Variants in ADGRB3 observed in about 807,000 individuals in gnomAD.
ADGRB3 encodes brain-specific angiogenesis inhibitor 3.
Under a neutral mutation model 193.4 loss-of-function variants are expected in ADGRB3, and 37 were observed. The ratio of observed to expected loss-of-function variants is 0.19; its 90% CI spans 0.15 to 0.25. The LOEUF (loss-of-function observed/expected upper bound fraction) is 0.25. Among genes scored for constraint, ADGRB3 ranks in the 10% least tolerant of loss-of-function variants. ADGRB3 has a pLI of 1.00. For missense variants in ADGRB3, 1,637 were observed against 1,852.9 expected, an observed-to-expected ratio of 0.88 and a Z score of 2.14; for synonymous variants, 690 against 644.2, an observed-to-expected ratio of 1.07 and a Z score of -1.08.
At chr6:68,697,529 C>G (rs1765177112) in intron 3 of ADGRB3, among the ~76,000 whole-genome samples, 1 of 151,892 alleles carries the variant, frequency 6.6e-6, no homozygotes. Context: ...AGTGTTGACT[C>G]ATACTACTTA....
intron 3 of ADGRB3, among the ~76,000 whole-genome samples, chr6:68,737,129 A>G (rs762171691): frequency 9.9e-5 from 15 of 152,130 alleles, no homozygotes; most frequent in Non-Finnish European, 2.2e-4. Flanking sequence ...AAATGTTTTC[A>G]TGCTTAAATT....
At chr6:68,745,132 A>G (rs147045196) in intron 3 of ADGRB3, among the ~76,000 whole-genome samples, 1 of 152,318 alleles carries the variant, frequency 6.6e-6, no homozygotes, top group Non-Finnish European at 1.5e-5. Flanking sequence ...CTGAGGAGAT[A>G]TTTGCACATC....
chr6:68,922,102 A>G (rs1317053240), intron 3 of ADGRB3, among the ~76,000 whole-genome samples: 2 of 152,222 alleles, frequency 1.3e-5, no homozygotes, highest in African/African-American at 4.8e-5. Context: ...ATTTTCATTC[A>G]ATATTTCATA....
chr6:68,773,350 G>A (rs1214446362), intron 3 of ADGRB3, among the ~76,000 whole-genome samples: 3 of 151,968 alleles, frequency 2.0e-5, no homozygotes, highest in South Asian at 2.1e-4. Flanking sequence ...TACTATGTGC[G>A]CAAAATTTAT....
At chr6:69,135,289 T>C (rs1582488130) in intron 17 of ADGRB3, among the ~76,000 whole-genome samples, 2 of 20,972 alleles carry the variant, frequency 9.5e-5, no homozygotes, top group Non-Finnish European at 3.0e-4. Context: ...TCACAACTAC[T>C]TTTTTTTTTT....
At chr6:69,320,601 C>G (rs1561986597) in intron 20 of ADGRB3, among the ~76,000 whole-genome samples, 1 of 151,570 alleles carries the variant, frequency 6.6e-6, no homozygotes, top group Admixed American at 6.6e-5. Context: ...AGTGGCTTGG[C>G]TGGGTGTAGA....
At chr6:68,917,029 A>G (rs562040112) in intron 3 of ADGRB3, among the ~76,000 whole-genome samples, 67 of 152,190 alleles carry the variant, frequency 4.4e-4, no homozygotes, top group Non-Finnish European at 8.7e-4. Flanking sequence ...TGATGTGAGC[A>G]GTTAGGAGAC....
intron 26 of ADGRB3, among the ~76,000 whole-genome samples, chr6:69,349,994 G>T (rs1304187261): frequency 1.3e-5 from 2 of 152,082 alleles, no homozygotes. Context: ...ACAATGACGC[G>T]CTACCAGCTG....
At chr6:68,839,911 C>T (rs1168998257) in intron 3 of ADGRB3, among the ~76,000 whole-genome samples, 1 of 152,188 alleles carries the variant, frequency 6.6e-6, no homozygotes, top group South Asian at 2.1e-4. Flanking sequence ...AGGGAGAGCA[C>T]AGTGATTGTG....
At chr6:68,907,067 T>C (rs1766568702) in intron 3 of ADGRB3, among the ~76,000 whole-genome samples, 1 of 151,908 alleles carries the variant, frequency 6.6e-6, no homozygotes, top group Admixed American at 6.6e-5. Context: ...GAGTAAATAA[T>C]ATTCTGAAGC....
intron 27 of ADGRB3, among the ~76,000 whole-genome samples, chr6:69,354,832 T>G (rs142064827): frequency 2.6e-5 from 4 of 152,166 alleles, no homozygotes; most frequent in African/African-American, 9.7e-5. Context: ...TAGCCACTCT[T>G]TTAGTGAAAG....
At chr6:68,957,685 C>T (rs2150257251) in intron 8 of ADGRB3, among the ~76,000 whole-genome samples, 1 of 152,170 alleles carries the variant, frequency 6.6e-6, no homozygotes, top group East Asian at 1.9e-4. Flanking sequence ...TTTGAGGTTC[C>T]TTTTCAGTTC....
At chr6:68,726,993 C>T (rs1765686044) in intron 3 of ADGRB3, among the ~76,000 whole-genome samples, 1 of 151,510 alleles carries the variant, frequency 6.6e-6, no homozygotes, top group Admixed American at 6.6e-5. Context: ...GTCAACTTCA[C>T]ATGGCTTTTT....
chr6:69,332,182 C>T, intron 23 of ADGRB3: 1 of 985,326 alleles, frequency 1.0e-6, no homozygotes. Context: ...AAATAGACAT[C>T]TATGCAGTTT....
At chr6:68,815,124 G>A (rs1767603852) in intron 3 of ADGRB3, among the ~76,000 whole-genome samples, 1 of 152,100 alleles carries the variant, frequency 6.6e-6, no homozygotes, top group African/African-American at 2.4e-5. Flanking sequence ...CATCGTGTTG[G>A]GAGTTCTGGC....
intron 17 of ADGRB3, among the ~76,000 whole-genome samples, chr6:69,172,643 CAAAAAAAAAAAAAAAAAAAA>C (rs70987454): frequency 3.7e-5 from 1 of 26,828 alleles, no homozygotes; most frequent in Non-Finnish European, 6.0e-5. Flanking sequence ...GACTCTGTCT[CAAAAAAAAAAAAAAAAAAAA>C]AAAAAAAAAG....
At chr6:69,017,949 A>G (rs1409213404) in intron 12 of ADGRB3, among the ~76,000 whole-genome samples, 1 of 151,942 alleles carries the variant, frequency 6.6e-6, no homozygotes, top group Non-Finnish European at 1.5e-5. Flanking sequence ...GATATTTATT[A>G]TTATGCAATA....
At chr6:68,825,841 G>A (rs183578865) in intron 3 of ADGRB3, among the ~76,000 whole-genome samples, 127 of 152,268 alleles carry the variant, frequency 8.3e-4, no homozygotes, top group African/African-American at 2.9e-3. Context: ...TTAGCCATGC[G>A]GAACTGTGAA....
chr6:68,889,401 G>A (rs184643455), intron 3 of ADGRB3, among the ~76,000 whole-genome samples: 60 of 152,252 alleles, frequency 3.9e-4, no homozygotes, highest in African/African-American at 1.2e-3. Context: ...AGCTTGTACA[G>A]TGGCACCTAA....
Sources: allele counts gnomAD v4.1 joint callset (sites outside exome capture counted in the v4.1 genomes callset), GRCh38; gene constraint gnomAD v4.1.1; transcripts MANE v1.5; gene names NCBI Gene and HGNC (gene_info 2026-07-23, HGNC 2026-07-21).